STAG1: variants seen among roughly 807,000 people sequenced by gnomAD.
STAG1 encodes STAG1 cohesin complex component, also known as cohesin subunit SA-1.
In STAG1, 26 loss-of-function variants were observed where a neutral mutation model predicts 170.9. The observed-to-expected ratio is 0.15, with a 90% CI of 0.11 to 0.21. The LOEUF is 0.21. Among genes scored for constraint, STAG1 ranks in the 10% least tolerant of loss-of-function variants. The probability of loss-of-function intolerance (pLI) is 1.00; values close to 1 mark genes in which losing one functional copy is unlikely to be tolerated. For synonymous variants in STAG1, 514 were observed against 497.7 expected (o/e 1.03, Z -0.44); for missense variants, 964 against 1,509.5 (o/e 0.64, Z 5.99).
intron 1 of STAG1, among the ~76,000 whole-genome samples, chr3:136,708,967 CTTTTTTTTTT>C (rs61595071): frequency 1.3e-4 from 11 of 86,064 alleles, no homozygotes; most frequent in Admixed American, 1.5e-4. Context: ...CTGCAGCTGG[CTTTTTTTTTT>C]TTTTTTTTTT....
chr3:136,449,017 G>A (rs1420784692), intron 14 of STAG1, among the ~76,000 whole-genome samples: 1 of 152,114 alleles, frequency 6.6e-6, no homozygotes, highest in African/African-American at 2.4e-5. Context: ...CAATTAAAGT[G>A]TGTGACAGTA....
At chr3:136,344,095 C>A in intron 29 of STAG1, 89 bp from the exon 30 acceptor site, 1 of 971,882 alleles carries the variant, frequency 1.0e-6, no homozygotes, top group South Asian at 2.7e-5. Context: ...GAGTGTGGCT[C>A]TGCAGTCAGA....
In STAG1 at chr3:136,500,058, T is replaced by C. The variant is rs986173857; in HGVS notation, c.902+165A>G. 7 of 544,732 alleles carry C rather than the reference T, an allele frequency of 1.3e-5. No individual in the cohort carries two copies. In the Admixed American group the frequency reaches 1.4e-4, roughly 11 times the overall value. 33.7% of individuals were successfully genotyped at this position (544,732 alleles called of 1,614,324 possible). On this transcript the variant is annotated intron_variant, in intron 9 of 33. Transcript: ENST00000383202. ...ATAACAGTGGTAGTGGCAGCAGTCA[T>C]ACAATTTCTTCTATAGTTGTAGTGT...
chr3:136,612,179 G>C (rs892291424), intron 3 of STAG1, among the ~76,000 whole-genome samples: 1 of 152,068 alleles, frequency 6.6e-6, no homozygotes, highest in African/African-American at 2.4e-5. Flanking sequence ...CTATATGTTC[G>C]GATTCAGAAA....
At chr3:136,696,614 T>C (rs562091795) in intron 1 of STAG1, among the ~76,000 whole-genome samples, 44 of 152,244 alleles carry the variant, frequency 2.9e-4, no homozygotes, top group Non-Finnish European at 5.0e-4. Context: ...GTTGTGCATA[T>C]TGGGGGAGTG....
chr3:136,589,995 C>T (rs1056563333), intron 4 of STAG1, among the ~76,000 whole-genome samples: 1 of 151,938 alleles, frequency 6.6e-6, no homozygotes, highest in Non-Finnish European at 1.5e-5. Context: ...TGGTGGCACA[C>T]ACCTATAATC....
intron 1 of STAG1, among the ~76,000 whole-genome samples, chr3:136,653,301 A>T (rs1168081980): frequency 6.6e-6 from 1 of 152,028 alleles, no homozygotes; most frequent in Non-Finnish European, 1.5e-5. Flanking sequence ...CAAAGAAAAA[A>T]GAACTAGCAA....
At chr3:136,518,778 T>C (rs1351369380) in intron 7 of STAG1, among the ~76,000 whole-genome samples, 1 of 152,012 alleles carries the variant, frequency 6.6e-6, no homozygotes, top group Non-Finnish European at 1.5e-5. Context: ...GAAAAATAAT[T>C]TCGAATTTAA....
chr3:136,430,105 A>G (rs1162070258), intron 16 of STAG1: 1 of 152,202 alleles, frequency 6.6e-6, no homozygotes, highest in Non-Finnish European at 1.5e-5. Context: ...ATAAATTTGC[A>G]TGTCATCCTT....
intron 1 of STAG1, among the ~76,000 whole-genome samples, chr3:136,643,088 T>C (rs1241740799): frequency 1.3e-5 from 2 of 152,236 alleles, no homozygotes; most frequent in Non-Finnish European, 2.9e-5. Flanking sequence ...AATATTCTAC[T>C]TCCAAATAAG....
chr3:136,484,669 C>T (rs12386361), intron 9 of STAG1, among the ~76,000 whole-genome samples: 10 of 150,730 alleles, frequency 6.6e-5, no homozygotes, highest in South Asian at 2.1e-4. Context: ...GGGCGCCCCT[C>T]CCCCAGCCTC....
At chr3:136,633,713 G>GAA (rs1559921210) in intron 1 of STAG1, among the ~76,000 whole-genome samples, 37 of 90,762 alleles carry the variant, frequency 4.1e-4, no homozygotes, top group African/African-American at 1.5e-3. Flanking sequence ...AAAAAAAAGG[G>GAA]GGGGGGGGGG....
At chr3:136,610,804 T>G (rs993137104) in intron 3 of STAG1, among the ~76,000 whole-genome samples, 1 of 152,210 alleles carries the variant, frequency 6.6e-6, no homozygotes, top group Non-Finnish European at 1.5e-5. Flanking sequence ...GACAAATGCT[T>G]GGTGTTGTGT....
At chr3:136,679,491 G>A (rs565555310) in intron 1 of STAG1, among the ~76,000 whole-genome samples, 1 of 152,284 alleles carries the variant, frequency 6.6e-6, no homozygotes, top group Non-Finnish European at 1.5e-5. Context: ...CACTTTGGGA[G>A]GCCCAGGCGG....
intron 10 of STAG1, among the ~76,000 whole-genome samples, chr3:136,474,619 C>T (rs1045475748): frequency 1.3e-5 from 2 of 152,146 alleles, no homozygotes; most frequent in African/African-American, 2.4e-5. Flanking sequence ...TGCATAATCA[C>T]TCTTTTGTAA....
chr3:136,655,149 A>ATTT (rs1941334410), intron 1 of STAG1, among the ~76,000 whole-genome samples: 1 of 152,226 alleles, frequency 6.6e-6, no homozygotes, highest in Non-Finnish European at 1.5e-5. Flanking sequence ...CTTCACAAAA[A>ATTT]TTTTAAAACT....
At position 136,696,441 on chromosome 3, in the gene STAG1, T is replaced by C. The variant is rs1189622111; in HGVS notation, c.-84+55754A>G. Among the ~76,000 whole-genome samples the C allele has an allele frequency of 6.6e-5, 10 of 152,180 alleles. 1 individual carries two copies. The highest frequency in any genetic ancestry group is 6.5e-4 in the Admixed American group (10 of 15,278). On this transcript the variant is annotated intron_variant, in intron 1 of 33. Coordinates refer to ENST00000383202, the MANE Select transcript of STAG1 (RefSeq NM_005862.3). ...GATTTTTAGGGCAGTCAGACAACAG[T>C]GTATGATTCTATAATGGTGGGTGCA...
At chr3:136,471,907 G>A (rs758053409) in intron 12 of STAG1, among the ~76,000 whole-genome samples, 4 of 152,062 alleles carry the variant, frequency 2.6e-5, no homozygotes, top group African/African-American at 4.8e-5. Flanking sequence ...GCTCCATTAC[G>A]ACTCACTGCA....
intron 16 of STAG1, among the ~76,000 whole-genome samples, chr3:136,427,297 A>G (rs1425869532): frequency 2.0e-5 from 3 of 152,292 alleles, no homozygotes; most frequent in Non-Finnish European, 2.9e-5. Flanking sequence ...ATTCTACTAC[A>G]ATAATATTGT....
Sources: gnomAD v4.1 joint callset for allele counts (sites outside exome capture counted in the v4.1 genomes callset) on GRCh38, gnomAD v4.1.1 for gene constraint, MANE v1.5 for transcripts, NCBI Gene and HGNC (gene_info 2026-07-23, HGNC 2026-07-21) for gene names.